Variants in GALNTL5 observed in about 807,000 individuals in gnomAD.
GALNTL5 encodes the protein inactive polypeptide N-acetylgalactosaminyltransferase-like protein 5.
A neutral mutation model predicts 51.0 loss-of-function variants in GALNTL5; 44 were observed. The observed-to-expected ratio is 0.86, with a 90% CI of 0.68 to 1.11. The LOEUF (loss-of-function observed/expected upper bound fraction) is 1.11, where lower values mean the gene tolerates loss of function less well. Ranked by LOEUF, GALNTL5 falls within the 50% of genes least tolerant of loss-of-function variation. GALNTL5 has a pLI of 0.00. For synonymous variants in GALNTL5, 192 were observed against 182.8 expected, an observed-to-expected ratio of 1.05 and a Z score of -0.41; for missense variants, 528 against 531.8, an observed-to-expected ratio of 0.99 and a Z score of 0.07.
chr7:152,003,849 C>T (rs2081611709), intron 6 of GALNTL5, among the ~76,000 whole-genome samples: 2 of 152,204 alleles, frequency 1.3e-5, no homozygotes, highest in South Asian at 4.1e-4. Flanking sequence ...TTTTTAGGCT[C>T]TAATGTAAAA....
chr7:151,957,820 A>C (rs1268638419), intron 1 of GALNTL5: 5 of 152,166 alleles, frequency 3.3e-5, no homozygotes, highest in African/African-American at 1.2e-4. Flanking sequence ...AAAATAACTG[A>C]ACATGGTTTT....
intron 5 of GALNTL5, among the ~76,000 whole-genome samples, chr7:151,990,081 T>C (rs2081408528): frequency 6.6e-6 from 1 of 151,992 alleles, no homozygotes; most frequent in Admixed American, 6.6e-5. Context: ...CTCACTCTGT[T>C]GCCCAGGCTG....
At chr7:152,012,825 G>A (rs1228300688) in intron 7 of GALNTL5, among the ~76,000 whole-genome samples, 1 of 152,086 alleles carries the variant, frequency 6.6e-6, no homozygotes, top group African/African-American at 2.4e-5. Flanking sequence ...AAATGAGCTG[G>A]GTTTGGCAGT....
chr7:151,997,475 G>C (rs999639039), intron 5 of GALNTL5, among the ~76,000 whole-genome samples: 22 of 152,148 alleles, frequency 1.4e-4, no homozygotes, highest in African/African-American at 5.1e-4. Flanking sequence ...CTCCTTACAG[G>C]ATGTAAATTT....
At chr7:151,971,158 C>A in intron 3 of GALNTL5, 93 bp downstream of exon 3, 4 of 963,330 alleles carry the variant, frequency 4.2e-6, no homozygotes, top group Non-Finnish European at 6.2e-6. Flanking sequence ...AGTTACTAAC[C>A]AGATTTTAAT....
chr7:151,997,079 C>G lies in GALNTL5; in HGVS notation c.659-5635C>G, dbSNP rs1371261443. 2.6e-5 allele frequency among the ~76,000 whole-genome samples: 4 copies of G among 152,144 alleles called. No individual in the cohort carries two copies. In the East Asian group the frequency reaches 5.8e-4, roughly 22 times the overall value. On this transcript the variant is annotated intron_variant, in intron 5 of 8. Coordinates refer to ENST00000392800, the MANE Select transcript of GALNTL5 (RefSeq NM_145292.4). The stretch of plus-strand genomic sequence containing the variant: ...GTGCAAATAGACTACGACAGGAGAG[C>G]AGAAAATAAGCTTCTACACAGGGTA...
At chr7:151,989,404 C>T (rs1309715050) in intron 5 of GALNTL5, among the ~76,000 whole-genome samples, 2 of 152,208 alleles carry the variant, frequency 1.3e-5, no homozygotes, top group African/African-American at 4.8e-5. Context: ...CCGCCCACCT[C>T]GGCCTCCCAA....
chr7:151,981,681 C>CTTT (rs760011757), intron 3 of GALNTL5, among the ~76,000 whole-genome samples: 1 of 65,456 alleles, frequency 1.5e-5, no homozygotes. Context: ...TTCTTTCTTT[C>CTTT]TTTTTTTTTT....
At chr7:152,018,595 G>T (rs1009945295) in intron 8 of GALNTL5, among the ~76,000 whole-genome samples, 13 of 152,108 alleles carry the variant, frequency 8.5e-5, no homozygotes, top group Non-Finnish European at 1.8e-4. Context: ...AAAAATCAAT[G>T]GATTGCATAA....
chr7:151,998,559 G>T (rs977080687), intron 5 of GALNTL5, among the ~76,000 whole-genome samples: 2 of 152,082 alleles, frequency 1.3e-5, no homozygotes, highest in Non-Finnish European at 2.9e-5. Context: ...ATCATTTGAA[G>T]TCAGAAGTTT....
intron 5 of GALNTL5, among the ~76,000 whole-genome samples, chr7:151,990,831 C>A (rs1419533496): frequency 6.6e-6 from 1 of 151,988 alleles, no homozygotes; most frequent in Non-Finnish European, 1.5e-5. Flanking sequence ...CCTCCGCCAG[C>A]CTGCATCCCT....
chr7:151,982,809 A>C, intron 3 of GALNTL5, 177 bp from the exon 4 acceptor site: 1 of 1,328,834 alleles, frequency 7.5e-7, no homozygotes, highest in Non-Finnish European at 1.0e-6. Context: ...TTAGAACAAC[A>C]TAAGAAGTTA....
rs58421258 is a variant in GALNTL5, at chr7:151,969,903, T to C, written c.248-1042T>C. ...CTCACTGCAAGCTCCGCCTCCGGGGTTCACGCCATTCTCCTGCCTCAGCCT... is the reference window on the plus strand; with the variant it reads ...CTCACTGCAAGCTCCGCCTCCGGGGCTCACGCCATTCTCCTGCCTCAGCCT... On this transcript the variant is annotated intron_variant, in intron 2 of 8. Transcript: ENST00000392800. Among the ~76,000 whole-genome samples the C allele has an allele frequency of 5.3e-3, 807 of 152,040 alleles. 7 individuals carry two copies. Among genetic ancestry groups the C allele is most frequent in the African/African-American group, 0.018 (747 of 41,466 alleles).
Position 152,002,978 on chromosome 7 carries a change from G to A in GALNTL5, c.908+15G>A. On this transcript the variant is annotated intron_variant, in intron 6 of 8. Coordinates refer to ENST00000392800, the MANE Select transcript of GALNTL5 (RefSeq NM_145292.4). ...AAACCAATCCGGTGAGATTTCTTCT[G>A]GTTTTGGAAAAATATAGCATACGTG... The A allele has an allele frequency of 6.2e-7, 1 of 1,610,190 alleles. No homozygotes were observed. The highest frequency in any genetic ancestry group is 8.5e-7 in the Non-Finnish European group (1 of 1,177,274).
intron 8 of GALNTL5, among the ~76,000 whole-genome samples, chr7:152,018,060 G>C (rs1475278392): frequency 1.3e-5 from 2 of 152,100 alleles, no homozygotes; most frequent in Non-Finnish European, 2.9e-5. Context: ...TGGCCAGGCT[G>C]GTCTTGAACT....
chr7:152,009,276 C>G (rs1316771670), intron 7 of GALNTL5, among the ~76,000 whole-genome samples: 1 of 152,192 alleles, frequency 6.6e-6, no homozygotes, highest in Non-Finnish European at 1.5e-5. Context: ...AAATCGATAT[C>G]CTGGAAGGCC....
At chr7:151,979,067 A>C (rs7780792) in intron 3 of GALNTL5, among the ~76,000 whole-genome samples, 61,542 of 149,846 alleles carry the variant, frequency 0.41, 12,915 homozygotes, top group Middle Eastern at 0.5. Context: ...ATGATCAGCT[A>C]ATTGAGGACA....
At chr7:151,977,781 A>C (rs1348522601) in intron 3 of GALNTL5, among the ~76,000 whole-genome samples, 4 of 152,112 alleles carry the variant, frequency 2.6e-5, no homozygotes, top group Non-Finnish European at 5.9e-5. Flanking sequence ...CAAGCTTTCT[A>C]TTTCTAGGGG....
chr7:151,988,662 T>C (rs1205846578), intron 5 of GALNTL5, among the ~76,000 whole-genome samples: 1 of 151,798 alleles, frequency 6.6e-6, no homozygotes, highest in African/African-American at 2.4e-5. Context: ...TATAGATATA[T>C]ACATATATAT....
Sources: gnomAD v4.1 joint callset for allele counts (sites outside exome capture counted in the v4.1 genomes callset) on GRCh38, gnomAD v4.1.1 for gene constraint, MANE v1.5 for transcripts, NCBI Gene and HGNC (gene_info 2026-07-23, HGNC 2026-07-21) for gene names.